Variants in MED6 observed in about 807,000 individuals in gnomAD.
MED6 encodes mediator of RNA polymerase II transcription subunit 6.
Under a neutral mutation model 37.5 loss-of-function variants are expected in MED6, and 33 were observed. The observed-to-expected ratio is 0.88, with a 90% CI of 0.67 to 1.18. The LOEUF (loss-of-function observed/expected upper bound fraction) is 1.18, where lower values mean the gene tolerates loss of function less well. MED6 is among the 50% of genes most tolerant of loss of function. The pLI, the probability that MED6 is intolerant of heterozygous loss-of-function variation, is 0.00. For synonymous variants in MED6, 94 were observed against 93.6 expected, an observed-to-expected ratio of 1.00 and a Z score of -0.02; for missense variants, 235 against 290.6, an observed-to-expected ratio of 0.81 and a Z score of 1.39.
chr14:70,586,362 A>G (rs1264068625), intron 6 of MED6, among the ~76,000 whole-genome samples: 1 of 152,158 alleles, frequency 6.6e-6, no homozygotes, highest in East Asian at 1.9e-4. Context: ...CAATTCTTTC[A>G]CTTGATTAAG....
At chr14:70,587,763 G>A (rs1884752821) in intron 6 of MED6, among the ~76,000 whole-genome samples, 1 of 152,208 alleles carries the variant, frequency 6.6e-6, no homozygotes, top group African/African-American at 2.4e-5. Context: ...AATCCTAGTT[G>A]AAGTAATATC....
At chr14:70,585,864 T>A in intron 6 of MED6, 81 bp from the exon 7 acceptor site, 2 of 1,074,788 alleles carry the variant, frequency 1.9e-6, no homozygotes, top group South Asian at 3.0e-5. Flanking sequence ...TTCTTCTTCC[T>A]GATGTCATAT....
At chr14:70,598,285 G>A (rs1013889707) in intron 1 of MED6, among the ~76,000 whole-genome samples, 32 of 152,116 alleles carry the variant, frequency 2.1e-4, no homozygotes, top group African/African-American at 7.7e-4. Context: ...CAACAAGAGT[G>A]AAACTCCGTC....
At chr14:70,591,422 A>T (rs1400956029) in intron 5 of MED6, 41 bp from the exon 6 acceptor site, 1 of 1,470,548 alleles carries the variant, frequency 6.8e-7, no homozygotes, top group Admixed American at 2.0e-5. Flanking sequence ...TTGCCTACTT[A>T]GTTTGGTGTC....
chr14:70,598,491 A>G (rs1465969837), intron 1 of MED6, among the ~76,000 whole-genome samples: 1 of 152,064 alleles, frequency 6.6e-6, no homozygotes, highest in Non-Finnish European at 1.5e-5. Context: ...AAAAGACATG[A>G]AGAAATGTGT....
Position 70,593,480 on chromosome 14 carries a change from AG to A in MED6, c.275-103del, listed in dbSNP as rs1421235229. 1.0e-5 allele frequency: 9 copies of A among 890,742 alleles called. No individual in the cohort carries two copies. In the African/African-American group the frequency reaches 1.2e-4, roughly 12 times the overall value. The allele number at this position is 890,742 out of a possible 1,614,324, so 55.2% of individuals were successfully genotyped here. ...AAAATCTGACATTTTCCCATAAGGCAGGGTTTAGCAATTACTGTTTTGGTAA... is the reference window on the plus strand; with the variant it reads ...AAAATCTGACATTTTCCCATAAGGCAGGTTTAGCAATTACTGTTTTGGTAA... On this transcript the variant is annotated intron_variant, in intron 3 of 7. Transcript: ENST00000256379.
chr14:70,595,116 C>A, intron 3 of MED6: 1 of 523,442 alleles, frequency 1.9e-6, no homozygotes, highest in South Asian at 1.5e-5. Context: ...TCTGCAAGGT[C>A]AATGACACCA....
chr14:70,595,743 CA>C, intron 3 of MED6: 3 of 723,650 alleles, frequency 4.1e-6, no homozygotes, highest in South Asian at 2.9e-5. Context: ...CAACTCCATG[CA>C]AACCATCCAA....
intron 7 of MED6, among the ~76,000 whole-genome samples, chr14:70,585,264 T>C (rs1004317056): frequency 3.3e-5 from 5 of 152,182 alleles, no homozygotes; most frequent in Admixed American, 1.3e-4. Context: ...GAAAACATCA[T>C]TGTGTAAAAA....
chr14:70,600,483 G>T, intron 1 of MED6, 133 bp downstream of exon 1: 4 of 919,042 alleles, frequency 4.4e-6, no homozygotes, highest in Non-Finnish European at 6.7e-6. Flanking sequence ...TCACAGCCTT[G>T]GGTTGTCCAC....
At chr14:70,595,758 A>G in intron 3 of MED6, 1 of 712,634 alleles carries the variant, frequency 1.4e-6, no homozygotes, top group African/African-American at 1.7e-5. Flanking sequence ...CATCCAAAAG[A>G]CCCCACCCGC....
chr14:70,599,631 T>C (rs1442363812), intron 1 of MED6, among the ~76,000 whole-genome samples: 3 of 152,204 alleles, frequency 2.0e-5, no homozygotes, highest in Admixed American at 1.3e-4. Flanking sequence ...CTGACCTCCT[T>C]GCTGTTCCTT....
chr14:70,593,339 A>T lies in MED6; in HGVS notation c.314T>A (p.Ile105Asn). Residue 105 changes from isoleucine (I) to asparagine (N), a missense_variant, in exon 4 of 8, where the codon ATC (isoleucine) becomes AAC (asparagine). Ile to Asn is a moderately radical substitution (Grantham distance 149, BLOSUM62 -3). Coordinates refer to ENST00000256379, the MANE Select transcript of MED6 (RefSeq NM_005466.4). ...LADYYIIAGV[I>N]YQAPDLGSVI... ...TGATCCCAAGTCTGGTGCCTGATAGATCACTCCAGCAATGATATAGTAATC... is the reference window on the plus strand; with the variant it reads ...TGATCCCAAGTCTGGTGCCTGATAGTTCACTCCAGCAATGATATAGTAATC... 6.2e-7 allele frequency: 1 copy of T among 1,614,008 alleles called. No individual in the cohort carries two copies. Among genetic ancestry groups the T allele is most frequent in the Non-Finnish European group, 8.5e-7 (1 of 1,179,918 alleles).
Position 70,583,694 on chromosome 14 carries a change from G to A in MED6, c.*1119C>T, listed in dbSNP as rs1055303294. ...GAAAACTGAGATACAATCATTTACA[G>A]AAATTCGGACACTAAAACAGTCTAT... is the stretch of plus-strand genomic sequence containing the variant. On this transcript the variant is annotated 3_prime_UTR_variant, in exon 8 of 8. Coordinates refer to ENST00000256379, the MANE Select transcript of MED6 (RefSeq NM_005466.4). 1 of 160,916 alleles carries A rather than the reference G, an allele frequency of 6.2e-6. No individual in the cohort carries two copies. Among genetic ancestry groups the A allele is most frequent in the East Asian group, 1.7e-4 (1 of 5,722 alleles). The allele number at this position is 160,916 out of a possible 1,614,324, so 10.0% of individuals were successfully genotyped here.
chr14:70,599,667 TAG>T (rs1566679422), intron 1 of MED6, among the ~76,000 whole-genome samples: 1 of 152,222 alleles, frequency 6.6e-6, no homozygotes, highest in East Asian at 1.9e-4. Flanking sequence ...ACTCTTATTT[TAG>T]AGTCTTTGCC....
chr14:70,587,394 AC>A (rs1467237325), intron 6 of MED6, among the ~76,000 whole-genome samples: 1 of 152,208 alleles, frequency 6.6e-6, no homozygotes, highest in Non-Finnish European at 1.5e-5. Flanking sequence ...AGAACCCCCA[AC>A]AAAGCCACAT....
rs1456575266 is a variant in MED6 at position 70,583,401 on chromosome 14, A to T, written c.*1412T>A. The stretch of plus-strand genomic sequence containing the variant: ...ACTTAACACTAAAAACATAAATGAC[A>T]AAATTCAGTGGTAGCAATTCTGGAA... On this transcript the variant is annotated 3_prime_UTR_variant, in exon 8 of 8. Coordinates refer to ENST00000256379, the MANE Select transcript of MED6 (RefSeq NM_005466.4). 6.6e-6 allele frequency: 1 copy of T among 152,232 alleles called. No individual in the cohort carries two copies. The highest frequency in any genetic ancestry group is 2.4e-5 in the African/African-American group (1 of 41,460). The allele number at this position is 152,232 out of a possible 1,614,324, so 9.4% of individuals were successfully genotyped here. A position where few individuals can be genotyped will look rare whatever the true frequency, so the allele number is the denominator to read the frequency against.
At chr14:70,598,519 C>G (rs1885113021) in intron 1 of MED6, among the ~76,000 whole-genome samples, 1 of 151,756 alleles carries the variant, frequency 6.6e-6, no homozygotes, top group African/African-American at 2.4e-5. Context: ...CTACAGAGGA[C>G]CTGGGGAAAC....
chr14:70,598,367 C>T (rs1233040400), intron 1 of MED6, among the ~76,000 whole-genome samples: 4 of 152,012 alleles, frequency 2.6e-5, no homozygotes, highest in African/African-American at 9.6e-5. Flanking sequence ...CCTAGCTACT[C>T]GGGAGGCTGT....
Sources: gnomAD v4.1 joint callset for allele counts (sites outside exome capture counted in the v4.1 genomes callset) on GRCh38, gnomAD v4.1.1 for gene constraint, MANE v1.5 for transcripts, NCBI Gene and HGNC (gene_info 2026-07-23, HGNC 2026-07-21) for gene names.